The following TRPM8 variants were observed in gnomAD, a reference collection of about 807,000 sequenced individuals.
The protein encoded by TRPM8 is transient receptor potential cation channel subfamily M member 8, also known as TRPM8 cationic channel.
In TRPM8, 110 loss-of-function variants were observed where a neutral mutation model predicts 133.7. The observed-to-expected ratio is 0.82, with a 90% confidence interval of 0.70 to 0.96. TRPM8 has a LOEUF of 0.96. Ranked by LOEUF, TRPM8 falls within the 40% of genes least tolerant of loss-of-function variation. The pLI, the probability that TRPM8 is intolerant of heterozygous loss-of-function variation, is 0.00. For missense variants in TRPM8, 1,291 were observed against 1,379.5 expected (o/e 0.94, Z 1.02); for synonymous variants, 535 against 532.3 (o/e 1.01, Z -0.07).
chr2:233,961,755 G>A (rs1472659432), intron 12 of TRPM8, among the ~76,000 whole-genome samples: 1 of 149,770 alleles, frequency 6.7e-6, no homozygotes, highest in Admixed American at 6.7e-5. Flanking sequence ...TCAGCTTCCC[G>A]AGTAGCTGGG....
intron 5 of TRPM8, among the ~76,000 whole-genome samples, chr2:233,942,151 C>T (rs967524952): frequency 7.0e-6 from 1 of 143,682 alleles, no homozygotes; most frequent in Non-Finnish European, 1.5e-5. Context: ...ATGATCTCGG[C>T]TCACTGCAAC....
chr2:234,003,294 C>T (rs1692614826), intron 22 of TRPM8, among the ~76,000 whole-genome samples: 1 of 152,180 alleles, frequency 6.6e-6, no homozygotes, highest in Non-Finnish European at 1.5e-5. Context: ...TGTTAAATGT[C>T]ACTTTGGGGA....
At chr2:233,977,335 C>G (rs1691895390) in intron 17 of TRPM8, among the ~76,000 whole-genome samples, 1 of 152,202 alleles carries the variant, frequency 6.6e-6, no homozygotes, top group South Asian at 2.1e-4. Flanking sequence ...ATGAATACAG[C>G]TTATCCCAGG....
chr2:233,963,222 C>T (rs987204774), intron 12 of TRPM8, 60 bp from the exon 13 acceptor site: 6 of 1,179,692 alleles, frequency 5.1e-6, no homozygotes, highest in Non-Finnish European at 5.0e-6. Flanking sequence ...TCTCCTAGGG[C>T]TTCCTGATCC....
intron 15 of TRPM8, among the ~76,000 whole-genome samples, chr2:233,968,455 G>T (rs1559533700): frequency 6.6e-6 from 1 of 152,168 alleles, no homozygotes; most frequent in Non-Finnish European, 1.5e-5. Flanking sequence ...GTGCAAAGCA[G>T]TCGGCCATTT....
intron 4 of TRPM8, 106 bp from the exon 5 acceptor site, chr2:233,938,892 C>A: frequency 4.5e-6 from 6 of 1,344,816 alleles, no homozygotes; most frequent in South Asian, 1.4e-5. Context: ...CCCCGCCCCT[C>A]TTCTAGAAGC....
chr2:233,978,222 TGTG>T, intron 17 of TRPM8, among the ~76,000 whole-genome samples: 1 of 151,968 alleles, frequency 6.6e-6, no homozygotes, highest in South Asian at 2.1e-4. Context: ...TGTGTGTGTG[TGTG>T]TGTGTGTGTA....
intron 17 of TRPM8, among the ~76,000 whole-genome samples, chr2:233,974,023 G>A (rs1047867539): frequency 2.6e-5 from 4 of 152,162 alleles, no homozygotes; most frequent in African/African-American, 9.7e-5. Flanking sequence ...GGGACAAAAA[G>A]ACAGCATTCC....
At chr2:234,016,895 G>T (rs571045076) in intron 25 of TRPM8, among the ~76,000 whole-genome samples, 1 of 152,242 alleles carries the variant, frequency 6.6e-6, no homozygotes, top group East Asian at 1.9e-4. Context: ...TTCATTAAAA[G>T]AATCTAGGCT....
intron 8 of TRPM8, among the ~76,000 whole-genome samples, chr2:233,948,088 C>T (rs1235945100): frequency 6.6e-6 from 1 of 152,148 alleles, no homozygotes; most frequent in East Asian, 1.9e-4. Flanking sequence ...TCCTTTTACC[C>T]ATCCTATTTT....
chr2:233,996,461 G>A lies in TRPM8; in HGVS notation c.3075G>A (p.Val1025=). The A allele has an allele frequency of 6.2e-7, 1 of 1,614,172 alleles. No homozygotes were observed. Among genetic ancestry groups the A allele is most frequent in the Non-Finnish European group, 8.5e-7 (1 of 1,180,030 alleles). The part of the protein sequence containing the change: ...FIVFAYFYMV[V]KKCFKCCCKE... ...TCTTCGCTTACTTCTACATGGTGGT[G>A]AAGAAGTGCTTCAAGTGTTGCTGCA... The change falls in exon 22 of 26, where the codon GTG becomes GTA. Residue 1025 remains valine, a synonymous_variant. Transcript: ENST00000324695.
chr2:233,947,165 G>A lies in TRPM8; in HGVS notation c.942+10G>A. On this transcript the variant is annotated intron_variant, in intron 8 of 25. Transcript: ENST00000324695. ...AAAAGAGACTTTGAAAGTGAGTCCT[G>A]ATTTAGTTTTCTAGAAGGTTGGCTA... is the stretch of plus-strand genomic sequence containing the variant. The A allele has an allele frequency of 6.2e-7, 1 of 1,613,876 alleles. No individual in the cohort carries two copies. Among genetic ancestry groups the A allele is most frequent in the Non-Finnish European group, 8.5e-7 (1 of 1,179,770 alleles).
chr2:233,922,950 G>C (rs1344469317), intron 1 of TRPM8, among the ~76,000 whole-genome samples: 2 of 152,142 alleles, frequency 1.3e-5, no homozygotes, highest in African/African-American at 2.4e-5. Context: ...CTCACTTCAA[G>C]CTCCGCCTCC....
At chr2:233,949,207 G>A (rs1008951099) in intron 8 of TRPM8, among the ~76,000 whole-genome samples, 2 of 152,138 alleles carry the variant, frequency 1.3e-5, no homozygotes, top group African/African-American at 4.8e-5. Flanking sequence ...TTCAATCATG[G>A]CACCACACAT....
chr2:233,944,334 A>G (rs898227899), intron 6 of TRPM8, among the ~76,000 whole-genome samples: 17 of 152,232 alleles, frequency 1.1e-4, no homozygotes, highest in African/African-American at 3.9e-4. Flanking sequence ...TAATGGGCAT[A>G]GGAGTCAATG....
In TRPM8 at chr2:233,955,030, C is replaced by A. The variant is rs975373449; in HGVS notation, c.1244-102C>A. The A allele has an allele frequency of 5.1e-6, 4 of 788,032 alleles. No homozygotes were observed. In the South Asian group the frequency reaches 6.4e-5, roughly 13 times the overall value. The allele number at this position is 788,032 out of a possible 1,614,324, so 48.8% of individuals were successfully genotyped here. A position where few individuals can be genotyped will look rare whatever the true frequency, so the allele number is the denominator to read the frequency against. On this transcript the variant is annotated intron_variant, in intron 10 of 25. Transcript: ENST00000324695. ...TCTGAATGTAAGAGAACATGATCAG[C>A]ATTACCTGTGATAAACAGCTCTGAT...
intron 2 of TRPM8, chr2:233,929,750 G>T (rs1691644908): frequency 6.6e-6 from 1 of 152,230 alleles, no homozygotes; most frequent in Non-Finnish European, 1.5e-5. Flanking sequence ...TCCTCAGGGA[G>T]GTAACTTTAC....
chr2:233,950,307 T>G (rs1470059016), intron 9 of TRPM8, among the ~76,000 whole-genome samples, 161 bp downstream of exon 9: 1 of 152,176 alleles, frequency 6.6e-6, no homozygotes, highest in African/African-American at 2.4e-5. Flanking sequence ...TGAAGTTCAG[T>G]AAGATACGTG....
chr2:234,017,556 T>C lies in TRPM8; in HGVS notation c.*300T>C, dbSNP rs1283789677. On this transcript the variant is annotated 3_prime_UTR_variant, in exon 26 of 26. Transcript: ENST00000324695. The stretch of plus-strand genomic sequence containing the variant: ...GAGGTTGATAGTTTAAGTGTGTTCT[T>C]ACCGCCTCCTTTTTCCTTTAATCTT... The C allele has an allele frequency of 3.2e-6, 1 of 312,542 alleles. No homozygotes were observed. The highest frequency in any genetic ancestry group is 6.3e-6 in the Non-Finnish European group (1 of 158,976). The allele number at this position is 312,542 out of a possible 1,614,324, so 19.4% of individuals were successfully genotyped here. A position where few individuals can be genotyped will look rare whatever the true frequency, so the allele number is the denominator to read the frequency against.
Sources: gnomAD v4.1 joint callset for allele counts (sites outside exome capture counted in the v4.1 genomes callset) on GRCh38, gnomAD v4.1.1 for gene constraint, MANE v1.5 for transcripts, NCBI Gene and HGNC (gene_info 2026-07-23, HGNC 2026-07-21) for gene names.